EPHA5: variants seen among roughly 807,000 people sequenced by gnomAD.
The protein encoded by EPHA5 is EPH receptor A5.
A neutral mutation model predicts 105.0 loss-of-function variants in EPHA5; 60 were observed. The observed-to-expected ratio is 0.57, with a 90% CI of 0.46 to 0.71. EPHA5 has a LOEUF of 0.71. Among genes scored for constraint, EPHA5 ranks in the 30% least tolerant of loss-of-function variants. The pLI, the probability that EPHA5 is intolerant of heterozygous loss-of-function variation, is 0.00. For synonymous variants in EPHA5, 513 were observed against 449.1 expected, an observed-to-expected ratio of 1.14 and a Z score of -1.80; for missense variants, 1,218 against 1,274.7, an observed-to-expected ratio of 0.96 and a Z score of 0.68.
chr4:65,462,798 G>T (rs929871327), intron 5 of EPHA5, among the ~76,000 whole-genome samples: 10 of 152,088 alleles, frequency 6.6e-5, no homozygotes, highest in Admixed American at 2.6e-4. Context: ...CCAAATTCAG[G>T]GTTGGAGAAA....
chr4:65,386,055 C>G (rs1047481690), intron 8 of EPHA5, among the ~76,000 whole-genome samples: 16 of 151,760 alleles, frequency 1.1e-4, no homozygotes, highest in African/African-American at 3.4e-4. Flanking sequence ...TTTAAATCCC[C>G]ACGTACACAA....
chr4:65,485,902 C>T (rs779562997), intron 5 of EPHA5, among the ~76,000 whole-genome samples: 1 of 152,096 alleles, frequency 6.6e-6, no homozygotes, highest in Non-Finnish European at 1.5e-5. Context: ...CTCACAATTG[C>T]AGGGAGGGAC....
chr4:65,406,464 C>T (rs750019543), intron 7 of EPHA5, among the ~76,000 whole-genome samples: 6 of 152,118 alleles, frequency 3.9e-5, no homozygotes, highest in African/African-American at 7.2e-5. Flanking sequence ...TTTACTCCGT[C>T]CCTCTCTATG....
At chr4:65,526,441 T>G (rs1735236517) in intron 3 of EPHA5, among the ~76,000 whole-genome samples, 1 of 151,714 alleles carries the variant, frequency 6.6e-6, no homozygotes, top group Non-Finnish European at 1.5e-5. Flanking sequence ...ATGATAAAAT[T>G]TAAATCTGTC....
chr4:65,646,809 A>C (rs1748149520), intron 1 of EPHA5, among the ~76,000 whole-genome samples: 1 of 152,172 alleles, frequency 6.6e-6, no homozygotes, highest in African/African-American at 2.4e-5. Context: ...AAAGTAATAA[A>C]ATATTTTAGT....
At chr4:65,643,468 A>G in intron 1 of EPHA5, 41 bp from the exon 2 acceptor site, 2 of 1,499,034 alleles carry the variant, frequency 1.3e-6, no homozygotes, top group Non-Finnish European at 1.9e-6. Flanking sequence ...AATGTATATT[A>G]TCATGAATAT....
rs2149213101 is a variant in EPHA5, at chr4:65,490,518, G to A, written c.1261C>T (p.Leu421=). ...HVRYLPRQSG[L]KNTSVMMVDL... is the part of the protein sequence containing the mutation. Reference sequence around the variant, plus strand: ...ACCATCATGACAGAGGTGTTTTTCAGGCCGCTTTGCCGGGGAAGGTACCTG... The same window carrying A: ...ACCATCATGACAGAGGTGTTTTTCAAGCCGCTTTGCCGGGGAAGGTACCTG... The change falls in exon 5 of 17, where the codon CTG becomes TTG. Residue 421 remains leucine (L), a synonymous_variant. Transcript: ENST00000613740. The A allele has an allele frequency of 6.2e-7, 1 of 1,614,116 alleles. No homozygotes were observed. The highest frequency in any genetic ancestry group is 8.5e-7 in the Non-Finnish European group (1 of 1,180,018).
chr4:65,595,139 C>T (rs994739487), intron 3 of EPHA5, among the ~76,000 whole-genome samples: 37 of 143,372 alleles, frequency 2.6e-4, no homozygotes, highest in Non-Finnish European at 4.2e-4. Flanking sequence ...ATGTTAAATG[C>T]CACCATTTCA....
chr4:65,545,578 T>A (rs1560677416), intron 3 of EPHA5, among the ~76,000 whole-genome samples: 2 of 151,842 alleles, frequency 1.3e-5, no homozygotes, highest in Non-Finnish European at 2.9e-5. Flanking sequence ...TGAATTGACA[T>A]AATAGGACAC....
intron 14 of EPHA5, among the ~76,000 whole-genome samples, chr4:65,343,460 CGT>C (rs1461415547): frequency 2.0e-5 from 3 of 152,208 alleles, no homozygotes; most frequent in African/African-American, 7.2e-5. Context: ...GCCTTGGTAA[CGT>C]AACATTTTCA....
chr4:65,349,436 A>G (rs968451591), intron 13 of EPHA5, among the ~76,000 whole-genome samples: 5 of 152,098 alleles, frequency 3.3e-5, no homozygotes, highest in African/African-American at 1.2e-4. Context: ...ATAGCAGGCA[A>G]ATCTAGATAA....
At chr4:65,352,899 G>T in intron 12 of EPHA5, 143 bp downstream of exon 12, 3 of 387,732 alleles carry the variant, frequency 7.7e-6, no homozygotes, top group Non-Finnish European at 1.4e-5. Context: ...TAATTATTGT[G>T]GCTCCATAAA....
At chr4:65,612,199 C>T (rs1481720097) in intron 2 of EPHA5, among the ~76,000 whole-genome samples, 2 of 152,026 alleles carry the variant, frequency 1.3e-5, no homozygotes, top group Non-Finnish European at 2.9e-5. Context: ...CATGGATATA[C>T]TGCATAGTGG....
At chr4:65,638,800 T>C (rs1375134149) in intron 2 of EPHA5, among the ~76,000 whole-genome samples, 1 of 152,172 alleles carries the variant, frequency 6.6e-6, no homozygotes, top group Non-Finnish European at 1.5e-5. Flanking sequence ...GGTTAAGTTA[T>C]ATGAGACTCA....
chr4:65,638,567 G>A (rs1012056611), intron 2 of EPHA5, among the ~76,000 whole-genome samples: 1 of 152,082 alleles, frequency 6.6e-6, no homozygotes, highest in South Asian at 2.1e-4. Flanking sequence ...GAAAAACCCC[G>A]TCTCTACTAA....
chr4:65,478,702 C>A (rs1730068820), intron 5 of EPHA5, among the ~76,000 whole-genome samples: 1 of 151,924 alleles, frequency 6.6e-6, no homozygotes, highest in Admixed American at 6.6e-5. Context: ...AAACTCCTGG[C>A]CTCAAGTGTT....
intron 2 of EPHA5, among the ~76,000 whole-genome samples, chr4:65,636,609 A>G (rs1747143302): frequency 6.6e-6 from 1 of 152,032 alleles, no homozygotes; most frequent in Admixed American, 6.6e-5. Context: ...TTATATACTG[A>G]AAGTGTATTT....
chr4:65,342,723 G>T (rs1721850965), intron 14 of EPHA5, among the ~76,000 whole-genome samples: 1 of 150,816 alleles, frequency 6.6e-6, no homozygotes, highest in African/African-American at 2.4e-5. Context: ...AACATAAAAG[G>T]AATATGTATA....
chr4:65,561,537 T>C (rs979991982), intron 3 of EPHA5, among the ~76,000 whole-genome samples: 17 of 152,104 alleles, frequency 1.1e-4, no homozygotes, highest in Admixed American at 8.5e-4. Context: ...CTGTTCACAG[T>C]GGTCCATTGA....
Sources: allele counts gnomAD v4.1 joint callset (sites outside exome capture counted in the v4.1 genomes callset), GRCh38; gene constraint gnomAD v4.1.1; transcripts MANE v1.5; gene names NCBI Gene and HGNC (gene_info 2026-07-23, HGNC 2026-07-21).